Variants in STK10 observed in about 807,000 individuals in gnomAD.
The protein encoded by STK10 is serine/threonine-protein kinase 10.
Under a neutral mutation model 113.8 loss-of-function variants are expected in STK10, and 78 were observed. That is an observed-to-expected ratio of 0.69 (90% CI 0.57 to 0.83). The LOEUF (loss-of-function observed/expected upper bound fraction) is 0.83. STK10 is among the 40% of genes least tolerant of loss of function. The pLI is 0.00. For missense variants in STK10, 1,109 were observed against 1,280.1 expected, an observed-to-expected ratio of 0.87 and a Z score of 2.04; for synonymous variants, 465 against 494.7, an observed-to-expected ratio of 0.94 and a Z score of 0.80.
At chr5:172,084,700 T>C (rs1430217770) in intron 10 of STK10, among the ~76,000 whole-genome samples, 4 of 151,988 alleles carry the variant, frequency 2.6e-5, no homozygotes, top group Non-Finnish European at 5.9e-5. Context: ...ACCATGGACC[T>C]TATACAGGTA....
chr5:172,116,902 G>A (rs1273737650), intron 4 of STK10, among the ~76,000 whole-genome samples: 3 of 151,962 alleles, frequency 2.0e-5, no homozygotes, highest in African/African-American at 4.8e-5. Flanking sequence ...TTTGATATAT[G>A]TGCTTAATGT....
Position 172,055,656 on chromosome 5 carries a change from T to C in STK10, c.2458A>G (p.Met820Val), listed in dbSNP as rs746182921. ...QRSEGKTRMA[M>V]YKKSLHINGG... is the part of the protein sequence containing the mutation. ...TTGATGTGGAGGCTCTTCTTGTACATGGCCATGCGCGTCTTGCCCTCACTC... is the reference window on the plus strand; with the variant it reads ...TTGATGTGGAGGCTCTTCTTGTACACGGCCATGCGCGTCTTGCCCTCACTC... The change falls in exon 16 of 19, where the codon ATG becomes GTG. Residue 820 changes from methionine to valine, a missense_variant. Coordinates refer to ENST00000176763, the MANE Select transcript of STK10 (RefSeq NM_005990.4). The C allele has an allele frequency of 3.2e-6, 5 of 1,580,430 alleles. No individual in the cohort carries two copies. The highest frequency in any genetic ancestry group is 2.7e-5 in the African/African-American group (2 of 73,624).
At chr5:172,165,994 T>TGTTGGTCAGGCTGGTCTCGAACTCC (rs1770565181) in intron 1 of STK10, among the ~76,000 whole-genome samples, 1 of 152,118 alleles carries the variant, frequency 6.6e-6, no homozygotes, top group Admixed American at 6.5e-5. Flanking sequence ...GGTTTCTCCA[T>TGTTGGTCAGGCTGGTCTCGAACTCC]GTTGGTCAGG....
intron 7 of STK10, among the ~76,000 whole-genome samples, chr5:172,098,551 A>G (rs999794797): frequency 6.6e-6 from 1 of 152,206 alleles, no homozygotes; most frequent in Non-Finnish European, 1.5e-5. Flanking sequence ...GACTGTCCTC[A>G]CAAGCCACCA....
chr5:172,115,045 A>G (rs1244953453), intron 4 of STK10: 5 of 152,092 alleles, frequency 3.3e-5, no homozygotes, highest in African/African-American at 1.2e-4. Flanking sequence ...CAGGGTAGGT[A>G]GACCGCAATT....
chr5:172,149,514 GTGTGTGTC>G lies in STK10; in HGVS notation c.321+7102_321+7109del, dbSNP rs1259520741. ...AGTGCTCGTGTGTGTGTGTGTGTGTGTGTGTGTCTGTGTGTGTGTGTGTGTGTGTCCCA... is the reference window on the plus strand; with the variant it reads ...AGTGCTCGTGTGTGTGTGTGTGTGTGTGTGTGTGTGTGTGTGTGTGTCCCA... On this transcript the variant is annotated intron_variant, in intron 2 of 18. Transcript: ENST00000176763. Among the ~76,000 whole-genome samples, 963 of 148,996 alleles carry G rather than the reference GTGTGTGTC, an allele frequency of 6.5e-3. 17 individuals carry two copies. The highest frequency in any genetic ancestry group is 0.024 in the African/African-American group (925 of 39,236).
chr5:172,111,994 A>G (rs932014930), intron 4 of STK10, among the ~76,000 whole-genome samples: 2 of 152,264 alleles, frequency 1.3e-5, no homozygotes, highest in African/African-American at 4.8e-5. Flanking sequence ...AGCAACAGCC[A>G]AAAAGAATGG....
chr5:172,174,179 ATTTT>A (rs901122775), intron 1 of STK10, among the ~76,000 whole-genome samples: 1 of 149,772 alleles, frequency 6.7e-6, no homozygotes, highest in African/African-American at 2.5e-5. Context: ...TTGTTGTTTA[ATTTT>A]TTTTTGAGAC....
chr5:172,094,496 G>A lies in STK10; in HGVS notation c.1006-536C>T, dbSNP rs114269327. On this transcript the variant is annotated intron_variant, in intron 8 of 18. Transcript: ENST00000176763. ...AGTGGTCCTCCCACCTCAGCCTCCC[G>A]AGGAGCCTCCCGAGTAGCTGGGACT... is the stretch of plus-strand genomic sequence containing the variant. Among the ~76,000 whole-genome samples, 1,390 of 151,948 alleles carry A rather than the reference G, an allele frequency of 9.1e-3. 22 individuals are homozygous for A. The highest frequency in any genetic ancestry group is 0.032 in the African/African-American group (1,309 of 41,420).
intron 12 of STK10, among the ~76,000 whole-genome samples, chr5:172,067,889 T>A (rs1768102966): frequency 6.6e-6 from 1 of 152,092 alleles, no homozygotes; most frequent in African/African-American, 2.4e-5. Context: ...CCCTCATACA[T>A]ATCATAATAA....
intron 4 of STK10, chr5:172,114,578 G>A (rs2087609): frequency 0.16 from 22,372 of 140,752 alleles, 2,047 homozygotes; most frequent in African/African-American, 0.26. Context: ...CGCCTCCCGG[G>A]TTCACGCCAT....
chr5:172,122,154 C>T (rs1210441785), intron 3 of STK10, among the ~76,000 whole-genome samples: 1 of 152,144 alleles, frequency 6.6e-6, no homozygotes, highest in Non-Finnish European at 1.5e-5. Flanking sequence ...GTGTGACCAA[C>T]CATGCCCGGC....
chr5:172,113,715 G>C (rs549334721), intron 4 of STK10, among the ~76,000 whole-genome samples: 1 of 152,096 alleles, frequency 6.6e-6, no homozygotes, highest in Non-Finnish European at 1.5e-5. Flanking sequence ...TCAGGAGTTC[G>C]AGACAAAAAC....
rs556678866 is a variant in STK10 at position 172,130,996 on chromosome 5, T to G, written c.322-3575A>C. The stretch of plus-strand genomic sequence containing the variant: ...ACAATTTCTTTATGTATTTATTTAT[T>G]TTTGAGAACTAAAAGTTATGGACAT... On this transcript the variant is annotated intron_variant, in intron 2 of 18. Coordinates refer to ENST00000176763, the MANE Select transcript of STK10 (RefSeq NM_005990.4). 1.9e-3 allele frequency among the ~76,000 whole-genome samples: 291 copies of G among 152,062 alleles called. 1 individual carries two copies. The highest frequency in any genetic ancestry group is 6.5e-3 in the African/African-American group (271 of 41,460).
intron 2 of STK10, among the ~76,000 whole-genome samples, chr5:172,142,612 T>TA (rs11464660): frequency 0.19 from 29,301 of 152,102 alleles, 3,048 homozygotes; most frequent in Non-Finnish European, 0.24. Context: ...GTAGGTATCC[T>TA]AAAAAATGCC....
chr5:172,101,381 GA>G (rs1768985649), intron 7 of STK10, among the ~76,000 whole-genome samples: 1 of 150,252 alleles, frequency 6.7e-6, no homozygotes, highest in African/African-American at 2.5e-5. Context: ...CGAGACAGGA[GA>G]ATCACTTGAA....
rs1418192967 is a variant in STK10, at chr5:172,127,405, C to T, written c.338G>A (p.Cys113Tyr). 2 of 1,613,756 alleles carry T rather than the reference C, an allele frequency of 1.2e-6. No individual in the cohort carries two copies. Among genetic ancestry groups the T allele is most frequent in the Non-Finnish European group, 1.7e-6 (2 of 1,179,850 alleles). ...DGKLWIMIEFCPGGAVDAIML... is the reference protein window; with the variant it reads ...DGKLWIMIEFYPGGAVDAIML... ...GATGGCGTCCACGGCTCCCCCTGGA[C>T]AGAACTCAATCATGATCTGCAGAAA... Residue 113 changes from cysteine (C) to tyrosine (Y), a missense_variant, in exon 3 of 19, where the codon TGT becomes TAT. Coordinates refer to ENST00000176763, the MANE Select transcript of STK10 (RefSeq NM_005990.4).
intron 12 of STK10, among the ~76,000 whole-genome samples, chr5:172,065,967 A>T (rs1468571530): frequency 6.6e-6 from 1 of 152,124 alleles, no homozygotes; most frequent in East Asian, 1.9e-4. Context: ...TTATAACAGG[A>T]GGGAGAAGAG....
rs774878778 is a variant in STK10 at position 172,044,814 on chromosome 5, T to C, written c.*68A>G. 4 of 1,611,772 alleles carry C rather than the reference T, an allele frequency of 2.5e-6. No individual in the cohort carries two copies. The highest frequency in any genetic ancestry group is 2.7e-5 in the African/African-American group (2 of 74,888). On this transcript the variant is annotated 3_prime_UTR_variant, in exon 19 of 19. Coordinates refer to ENST00000176763, the MANE Select transcript of STK10 (RefSeq NM_005990.4). This position sits in a 1 kb window ranked among gnomAD's most constrained non-coding sequence, Gnocchi z 4.5. Reference sequence around the variant, plus strand: ...GAGGGAAAAGGGGTCCTGAGTTACATGTTCACAGAGAATGAAGGAGAAGGC... The same window carrying C: ...GAGGGAAAAGGGGTCCTGAGTTACACGTTCACAGAGAATGAAGGAGAAGGC...
Sources: gnomAD v4.1 joint callset for allele counts (sites outside exome capture counted in the v4.1 genomes callset) on GRCh38, gnomAD v4.1.1 for gene constraint, Gnocchi (gnomAD v3.1) non-coding constraint, MANE v1.5 for transcripts, NCBI Gene and HGNC (gene_info 2026-07-23, HGNC 2026-07-21) for gene names.